Variants in NRXN1 observed in about 807,000 individuals in gnomAD.
NRXN1 encodes neurexin-1.
NRXN1 carries 39 observed loss-of-function variants against 150.9 expected under a neutral mutation model. The observed-to-expected ratio is 0.26, with a 90% CI of 0.20 to 0.34. The LOEUF is 0.34. NRXN1 is among the 10% of genes least tolerant of loss of function. The probability of loss-of-function intolerance (pLI) is 1.00; values close to 1 mark genes in which losing one functional copy is unlikely to be tolerated. For synonymous variants in NRXN1, 924 were observed against 757.0 expected (o/e 1.22, Z -3.62); for missense variants, 1,815 against 1,949.9 (o/e 0.93, Z 1.30).
chr2:50,453,096 T>G (rs767283447), intron 17 of NRXN1, among the ~76,000 whole-genome samples: 21 of 152,198 alleles, frequency 1.4e-4, no homozygotes, highest in South Asian at 8.3e-4. Context: ...TTTACAAAAT[T>G]TCTTTGGGAA....
chr2:50,295,998 C>A (rs1029963474), intron 17 of NRXN1, among the ~76,000 whole-genome samples: 1 of 152,062 alleles, frequency 6.6e-6, no homozygotes, highest in African/African-American at 2.4e-5. Context: ...TCAGCATATG[C>A]AAAATATAGA....
intron 17 of NRXN1, among the ~76,000 whole-genome samples, chr2:50,406,698 C>T (rs1490225206): frequency 2.0e-5 from 3 of 152,114 alleles, no homozygotes; most frequent in Non-Finnish European, 4.4e-5. Flanking sequence ...TAAGCATTTC[C>T]ATTTAATACA....
chr2:50,408,380 A>G (rs941303481), intron 17 of NRXN1, among the ~76,000 whole-genome samples: 5 of 152,190 alleles, frequency 3.3e-5, no homozygotes, highest in African/African-American at 1.2e-4. Context: ...CAGTGTTTCT[A>G]TCTTCATTTT....
chr2:50,872,873 T>C lies in NRXN1; in HGVS notation c.832+48996A>G, dbSNP rs147819991. On this transcript the variant is annotated intron_variant, in intron 5 of 22. Transcript: ENST00000401669. The stretch of plus-strand genomic sequence containing the variant: ...GTCCTAGCTACATGTAGTGAAGAAT[T>C]TACACGGTCAACAATCAAAACTTGA... Among the ~76,000 whole-genome samples the C allele has an allele frequency of 5.9e-5, 9 of 151,798 alleles. No homozygotes were observed. The East Asian group carries it at 1.6e-3, about 26-fold the overall frequency.
At chr2:50,696,906 G>C (rs550797445) in intron 5 of NRXN1, among the ~76,000 whole-genome samples, 12 of 152,244 alleles carry the variant, frequency 7.9e-5, no homozygotes, top group African/African-American at 2.4e-4. Context: ...CACAATGAAA[G>C]CCTGATACAT....
At chr2:50,959,207 T>C (rs1031513675) in intron 2 of NRXN1, among the ~76,000 whole-genome samples, 1 of 152,068 alleles carries the variant, frequency 6.6e-6, no homozygotes, top group Non-Finnish European at 1.5e-5. Context: ...GGTAGGTTCT[T>C]AAAATGTTAA....
chr2:50,846,614 A>G (rs1673693125), intron 5 of NRXN1, among the ~76,000 whole-genome samples: 1 of 152,216 alleles, frequency 6.6e-6, no homozygotes, highest in South Asian at 2.1e-4. Context: ...GACCAACAAA[A>G]ACAGTTCAAA....
intron 2 of NRXN1, among the ~76,000 whole-genome samples, chr2:51,023,325 T>G (rs982294879): frequency 6.6e-6 from 1 of 152,192 alleles, no homozygotes; most frequent in Non-Finnish European, 1.5e-5. Context: ...ACAAAAATAC[T>G]TGACATGGTC....
chr2:50,110,410 T>C (rs535550834), intron 18 of NRXN1, among the ~76,000 whole-genome samples: 31 of 144,750 alleles, frequency 2.1e-4, no homozygotes, highest in Non-Finnish European at 4.5e-4. Context: ...GAGAATGGCG[T>C]GAAGCCGGGA....
chr2:50,417,583 A>G (rs1231489312), intron 17 of NRXN1, among the ~76,000 whole-genome samples: 2 of 151,756 alleles, frequency 1.3e-5, no homozygotes, highest in Non-Finnish European at 2.9e-5. Context: ...CAGAAGACAA[A>G]TTCCAAGCTC....
At position 50,506,770 on chromosome 2, in the gene NRXN1, G is replaced by A; in HGVS notation, c.2375-153C>T. 5 of 761,934 alleles carry A rather than the reference G, an allele frequency of 6.6e-6. No homozygotes were observed. In the South Asian group the frequency reaches 6.8e-5, roughly 10 times the overall value. The allele number at this position is 761,934 out of a possible 1,614,324, so 47.2% of individuals were successfully genotyped here. On this transcript the variant is annotated intron_variant, in intron 12 of 22. Transcript: ENST00000401669. ...GAAAGAGAGAGAGGAGGGAGAGAAA[G>A]GAAACAGAGAAGAGGCGGGCTGGAC...
At chr2:50,913,810 G>T (rs545679399) in intron 5 of NRXN1, among the ~76,000 whole-genome samples, 3 of 151,676 alleles carry the variant, frequency 2.0e-5, no homozygotes, top group Non-Finnish European at 3.0e-5. Flanking sequence ...TATATAAGTA[G>T]GTATAATATG....
At chr2:50,012,360 T>C (rs1490509676) in intron 21 of NRXN1, among the ~76,000 whole-genome samples, 1 of 152,156 alleles carries the variant, frequency 6.6e-6, no homozygotes, top group South Asian at 2.1e-4. Flanking sequence ...TAGATTAGCA[T>C]ACTTATGGAA....
intron 18 of NRXN1, among the ~76,000 whole-genome samples, chr2:50,109,872 C>T (rs1215107619): frequency 6.6e-6 from 1 of 152,066 alleles, no homozygotes; most frequent in Non-Finnish European, 1.5e-5. Context: ...GATGTTTCCT[C>T]GGTTTCTGCT....
At chr2:50,926,687 T>C (rs1278770412) in intron 2 of NRXN1, among the ~76,000 whole-genome samples, 1 of 151,934 alleles carries the variant, frequency 6.6e-6, no homozygotes, top group Non-Finnish European at 1.5e-5. Flanking sequence ...TTTAAAAACT[T>C]TGTACTTCTG....
At chr2:50,607,529 T>C (rs577801654) in intron 8 of NRXN1, among the ~76,000 whole-genome samples, 116 of 152,272 alleles carry the variant, frequency 7.6e-4, no homozygotes, top group African/African-American at 2.7e-3. Flanking sequence ...TACAAAGTCA[T>C]TAAAATGGAA....
At chr2:50,225,542 T>C (rs1401509906) in intron 18 of NRXN1, among the ~76,000 whole-genome samples, 1 of 151,904 alleles carries the variant, frequency 6.6e-6, no homozygotes, top group African/African-American at 2.4e-5. Context: ...GCATAATTAG[T>C]CTTGCCCTAG....
At chr2:50,296,757 G>A (rs1255817592) in intron 17 of NRXN1, among the ~76,000 whole-genome samples, 4 of 151,654 alleles carry the variant, frequency 2.6e-5, no homozygotes, top group African/African-American at 7.3e-5. Context: ...TATTAGCCAC[G>A]CTGCTCAGCC....
At chr2:50,585,006 GT>G (rs956892595) in intron 8 of NRXN1, among the ~76,000 whole-genome samples, 21 of 151,968 alleles carry the variant, frequency 1.4e-4, no homozygotes, top group African/African-American at 3.9e-4. Flanking sequence ...TGCACACAAA[GT>G]TTTTTTTCAT....
Sources: allele counts gnomAD v4.1 joint callset (sites outside exome capture counted in the v4.1 genomes callset), GRCh38; gene constraint gnomAD v4.1.1; transcripts MANE v1.5; gene names NCBI Gene and HGNC (gene_info 2026-07-23, HGNC 2026-07-21).